Variants in PDE4D observed in about 807,000 individuals in gnomAD.
The protein encoded by PDE4D is phosphodiesterase 4D, also known as 3',5'-cyclic-AMP phosphodiesterase 4D.
In PDE4D, 24 loss-of-function variants were observed where a neutral mutation model predicts 87.4. The ratio of observed to expected loss-of-function variants is 0.27; its 90% confidence interval spans 0.20 to 0.39. The LOEUF (loss-of-function observed/expected upper bound fraction) is 0.39, where lower values mean the gene tolerates loss of function less well. PDE4D is among the 10% of genes least tolerant of loss of function. The pLI is 1.00. For synonymous variants in PDE4D, 384 were observed against 383.2 expected (o/e 1.00, Z -0.02); for missense variants, 714 against 1,041.0 (o/e 0.69, Z 4.32).
intron 1 of PDE4D, among the ~76,000 whole-genome samples, chr5:59,554,119 C>T (rs939477573): frequency 1.3e-5 from 2 of 152,116 alleles, no homozygotes; most frequent in Non-Finnish European, 2.9e-5. Flanking sequence ...GAACTAGAGT[C>T]TCAGATCCTA....
At chr5:59,814,646 C>T (rs1768775006) in intron 1 of PDE4D, among the ~76,000 whole-genome samples, 1 of 152,092 alleles carries the variant, frequency 6.6e-6, no homozygotes, top group Admixed American at 6.6e-5. Flanking sequence ...GACAGTTCAC[C>T]AAAGATAAAA....
chr5:60,036,644 G>A (rs1302068589), intron 2 of PDE4D, among the ~76,000 whole-genome samples: 2 of 152,202 alleles, frequency 1.3e-5, no homozygotes, highest in South Asian at 4.1e-4. Flanking sequence ...AAATTAATAA[G>A]TCCTGAGTCT....
intron 2 of PDE4D, among the ~76,000 whole-genome samples, chr5:59,200,095 A>G (rs114123003): frequency 0.021 from 3,034 of 144,602 alleles, 47 homozygotes; most frequent in Non-Finnish European, 0.031. Flanking sequence ...ATGTATGTAG[A>G]CATACATGTA....
intron 1 of PDE4D, among the ~76,000 whole-genome samples, chr5:60,515,601 C>CTTTTTTTTTTTTTTTTTT (rs954970783): frequency 3.7e-5 from 4 of 106,808 alleles, no homozygotes; most frequent in African/African-American, 9.5e-5. Flanking sequence ...TTTTCTTTTT[C>CTTTTTTTTTTTTTTTTTT]TTTTTTTTTT....
At chr5:59,538,221 A>C (rs1271344765) in intron 1 of PDE4D, among the ~76,000 whole-genome samples, 2 of 152,186 alleles carry the variant, frequency 1.3e-5, no homozygotes, top group Non-Finnish European at 2.9e-5. Flanking sequence ...TCACTATGGG[A>C]GTAATCAACA....
chr5:60,086,125 A>G (rs1774497865), intron 2 of PDE4D, among the ~76,000 whole-genome samples: 1 of 152,212 alleles, frequency 6.6e-6, no homozygotes, highest in Non-Finnish European at 1.5e-5. Context: ...ATCTAGTTAA[A>G]TCTCAACTAG....
At chr5:59,643,713 T>C (rs550062226) in intron 1 of PDE4D, among the ~76,000 whole-genome samples, 2 of 152,334 alleles carry the variant, frequency 1.3e-5, no homozygotes, top group East Asian at 1.9e-4. Context: ...TCTCTTCAGG[T>C]TGACAAGAAA....
At chr5:60,041,532 C>G (rs560934640) in intron 2 of PDE4D, among the ~76,000 whole-genome samples, 34 of 152,252 alleles carry the variant, frequency 2.2e-4, no homozygotes, top group Admixed American at 7.8e-4. Context: ...ATAGGAACAG[C>G]TCCGGTCTGC....
intron 5 of PDE4D, among the ~76,000 whole-genome samples, chr5:59,058,828 C>A: frequency 6.6e-6 from 1 of 152,122 alleles, no homozygotes; most frequent in East Asian, 1.9e-4. Context: ...ACTTGGGTCT[C>A]TTTTGCACAT....
intron 2 of PDE4D, 177 bp from the exon 3 acceptor site, chr5:59,193,713 G>A (rs1744818365): frequency 4.3e-5 from 42 of 985,150 alleles, no homozygotes; most frequent in Non-Finnish European, 4.8e-5. Flanking sequence ...TGTCTTCTGG[G>A]ATGTTAACAA....
chr5:59,575,112 C>T (rs1257227350), intron 1 of PDE4D, among the ~76,000 whole-genome samples: 1 of 152,112 alleles, frequency 6.6e-6, no homozygotes, highest in African/African-American at 2.4e-5. Flanking sequence ...GAGCTTTATG[C>T]TGTATTACAT....
chr5:60,445,252 T>C (rs1745556182), intron 1 of PDE4D, among the ~76,000 whole-genome samples: 1 of 152,174 alleles, frequency 6.6e-6, no homozygotes, highest in South Asian at 2.1e-4. Context: ...CTATCAGATG[T>C]TTAACTGCAT....
In PDE4D at chr5:60,384,354, T is replaced by C. The variant is rs548615414; in HGVS notation, c.-90+103588A>G. On this transcript the variant is annotated intron_variant, in intron 1 of 16. Transcript: ENST00000502484. ...ATCCCTGTCCTAGGCAATTATTGGTTAGCCTAGTTTTCAAGTAATAAAACT... is the reference window on the plus strand; with the variant it reads ...ATCCCTGTCCTAGGCAATTATTGGTCAGCCTAGTTTTCAAGTAATAAAACT... 2.0e-5 allele frequency among the ~76,000 whole-genome samples: 3 copies of C among 152,362 alleles called. No homozygotes were observed. The East Asian group carries it at 5.8e-4, about 29-fold the overall frequency.
chr5:59,115,173 A>G (rs1044251333), intron 5 of PDE4D, among the ~76,000 whole-genome samples: 27 of 152,260 alleles, frequency 1.8e-4, no homozygotes, highest in African/African-American at 6.5e-4. Flanking sequence ...CAGAAATCTT[A>G]CCATAATATA....
intron 1 of PDE4D, among the ~76,000 whole-genome samples, chr5:59,574,072 TTA>T (rs1168178213): frequency 0.017 from 207 of 12,308 alleles, 1 homozygote; most frequent in African/African-American, 0.046. Flanking sequence ...ATATATATAT[TTA>T]TATATATATT....
intron 3 of PDE4D, among the ~76,000 whole-genome samples, chr5:59,946,572 C>A (rs923280085): frequency 5.3e-5 from 8 of 152,168 alleles, no homozygotes; most frequent in Non-Finnish European, 2.9e-5. Context: ...GAAGGACACC[C>A]ATTTTTCTAA....
chr5:59,821,281 A>T (rs1390203732), intron 1 of PDE4D, among the ~76,000 whole-genome samples: 1 of 152,194 alleles, frequency 6.6e-6, no homozygotes, highest in Non-Finnish European at 1.5e-5. Flanking sequence ...CAACAAAAGA[A>T]AAAGAAATAG....
chr5:60,305,869 T>G (rs955858992), intron 1 of PDE4D, among the ~76,000 whole-genome samples: 4 of 151,816 alleles, frequency 2.6e-5, no homozygotes, highest in African/African-American at 9.7e-5. Flanking sequence ...AAGAAGAAAC[T>G]AACAGAAATA....
chr5:59,728,037 T>C (rs1325713487), intron 1 of PDE4D, among the ~76,000 whole-genome samples: 1 of 152,136 alleles, frequency 6.6e-6, no homozygotes, highest in Non-Finnish European at 1.5e-5. Context: ...ATAGCATCTG[T>C]AGTAACTGTT....
Sources: allele counts gnomAD v4.1 joint callset (sites outside exome capture counted in the v4.1 genomes callset), GRCh38; gene constraint gnomAD v4.1.1; transcripts MANE v1.5; gene names NCBI Gene and HGNC (gene_info 2026-07-23, HGNC 2026-07-21).